Variants in RIMS1 observed in about 807,000 individuals in gnomAD.
RIMS1 encodes regulating synaptic membrane exocytosis protein 1.
RIMS1 carries 83 observed loss-of-function variants against 214.1 expected under a neutral mutation model. The ratio of observed to expected loss-of-function variants is 0.39; its 90% CI spans 0.32 to 0.47. RIMS1 has a LOEUF of 0.47. Among genes scored for constraint, RIMS1 ranks in the 20% least tolerant of loss-of-function variants. RIMS1 has a pLI of 0.99. For synonymous variants in RIMS1, 793 were observed against 786.8 expected (o/e 1.01, Z -0.13); for missense variants, 2,050 against 2,161.8 (o/e 0.95, Z 1.03).
At chr6:72,264,855 A>G (rs2079696295) in intron 19 of RIMS1, 120 bp from the exon 20 acceptor site, 3 of 588,070 alleles carry the variant, frequency 5.1e-6, no homozygotes, top group Non-Finnish European at 8.7e-6. Flanking sequence ...CTTTTGAGAA[A>G]AAAATGACCA....
chr6:72,152,245 T>C (rs2043711937), intron 4 of RIMS1, among the ~76,000 whole-genome samples: 1 of 152,256 alleles, frequency 6.6e-6, no homozygotes, highest in African/African-American at 2.4e-5. Flanking sequence ...GCACTTACTA[T>C]GTGCTAGGCA....
chr6:72,325,751 C>T (rs1467222555), intron 28 of RIMS1, among the ~76,000 whole-genome samples: 1 of 151,840 alleles, frequency 6.6e-6, no homozygotes, highest in African/African-American at 2.4e-5. Flanking sequence ...ATAAAAATTA[C>T]AGAGATCATT....
chr6:72,264,276 G>A (rs1026186278), intron 19 of RIMS1, among the ~76,000 whole-genome samples: 1 of 152,144 alleles, frequency 6.6e-6, no homozygotes, highest in Admixed American at 6.6e-5. Context: ...GGCATAGACA[G>A]TCCAGAAACC....
intron 2 of RIMS1, among the ~76,000 whole-genome samples, chr6:71,993,808 G>A (rs1467029746): frequency 6.6e-6 from 1 of 152,026 alleles, no homozygotes; most frequent in East Asian, 1.9e-4. Flanking sequence ...AGTGGTAGGG[G>A]GCTATTTCCT....
At chr6:72,344,652 C>T (rs146451510) in intron 29 of RIMS1, among the ~76,000 whole-genome samples, 11 of 151,758 alleles carry the variant, frequency 7.2e-5, no homozygotes, top group Admixed American at 6.6e-4. Context: ...CTCAAGTTGG[C>T]GAAACCATCA....
intron 22 of RIMS1, among the ~76,000 whole-genome samples, chr6:72,271,280 AAAAAAAATATATATATATAT>A (rs1320236778): frequency 3.3e-5 from 2 of 60,418 alleles, no homozygotes; most frequent in African/African-American, 5.9e-5. Context: ...AAAAAAAAAA[AAAAAAAATATATATATATAT>A]ATATATATAT....
At chr6:72,013,144 T>C (rs549243101) in intron 2 of RIMS1, among the ~76,000 whole-genome samples, 2 of 152,300 alleles carry the variant, frequency 1.3e-5, no homozygotes, top group Non-Finnish European at 2.9e-5. Flanking sequence ...CATATTTGTG[T>C]GCCAATCACA....
intron 29 of RIMS1, among the ~76,000 whole-genome samples, chr6:72,374,537 A>G (rs1448455658): frequency 6.6e-6 from 1 of 152,162 alleles, no homozygotes; most frequent in East Asian, 1.9e-4. Context: ...AATTTACATT[A>G]TTTGCCTATT....
At chr6:72,277,581 CA>C (rs34868285) in intron 23 of RIMS1, among the ~76,000 whole-genome samples, 146 of 138,056 alleles carry the variant, frequency 1.1e-3, no homozygotes, top group Non-Finnish European at 7.1e-4. Flanking sequence ...GACTCTGTCT[CA>C]AAAAAAAAAA....
Position 72,182,908 on chromosome 6 carries a change from C to A in RIMS1, c.1437C>A (p.Ser479Arg). ...GGAAGCAGAGCCGCCTGGACCCCAG[C>A]TCGGCGGTCCTCATGCGGAAGGCCA... is the stretch of plus-strand genomic sequence containing the variant. Reference protein sequence around the residue: ...PLRKQSRLDPSSAVLMRKAKR... With the variant: ...PLRKQSRLDPRSAVLMRKAKR... The change falls in exon 6 of 34, where the codon AGC becomes AGA. Residue 479 changes from serine (S) to arginine (R), a missense_variant. Ser to Arg is a moderately radical substitution (Grantham distance 110, BLOSUM62 -1). Transcript: ENST00000521978. The A allele has an allele frequency of 6.3e-7, 1 of 1,576,292 alleles. No homozygotes were observed. The highest frequency in any genetic ancestry group is 8.6e-7 in the Non-Finnish European group (1 of 1,162,564).
chr6:72,400,580 T>A lies in RIMS1; in HGVS notation c.4945T>A (p.Ser1649Thr), dbSNP rs201355053. 1.6e-4 allele frequency: 251 copies of A among 1,613,834 alleles called. No homozygotes were observed. Among genetic ancestry groups the A allele is most frequent in the Non-Finnish European group, 2.0e-4 (236 of 1,179,894 alleles). The change falls in exon 34 of 34, where the codon TCC becomes ACC. Residue 1649 changes from serine (S) to threonine (T), a missense_variant. By Grantham distance (58) the Ser-to-Thr change is moderately conservative. This residue lies in a region of RIMS1 where 14 missense variants were observed against 52.9 expected (regional missense o/e 0.26). Transcript: ENST00000521978. ...GATCTTGTTGGAAGAACTCGACCTGTCCAGCATGGTGATCGGATGGTACAA... is the reference window on the plus strand; with the variant it reads ...GATCTTGTTGGAAGAACTCGACCTGACCAGCATGGTGATCGGATGGTACAA... The part of the protein sequence containing the change: ...AQILLEELDL[S>T]SMVIGWYKLF...
intron 1 of RIMS1, among the ~76,000 whole-genome samples, chr6:71,931,321 G>A (rs1222982647): frequency 3.3e-5 from 5 of 151,966 alleles, no homozygotes; most frequent in African/African-American, 4.8e-5. Flanking sequence ...TATAAGATTT[G>A]ACCCGAAGAA....
At chr6:72,085,541 T>A (rs1230978531) in intron 2 of RIMS1, among the ~76,000 whole-genome samples, 1 of 152,142 alleles carries the variant, frequency 6.6e-6, no homozygotes, top group African/African-American at 2.4e-5. Context: ...TAAAGTTTCA[T>A]TGGGATGATT....
At chr6:72,395,042 A>G (rs1021137268) in intron 31 of RIMS1, among the ~76,000 whole-genome samples, 9 of 152,092 alleles carry the variant, frequency 5.9e-5, no homozygotes, top group South Asian at 2.1e-4. Flanking sequence ...TGAGCTAAAT[A>G]GTATACTGAA....
intron 1 of RIMS1, among the ~76,000 whole-genome samples, chr6:71,933,530 T>C (rs1032902280): frequency 6.6e-6 from 1 of 152,164 alleles, no homozygotes; most frequent in African/African-American, 2.4e-5. Flanking sequence ...TGCATTACAC[T>C]GGAAACGGAA....
chr6:72,130,693 A>C (rs1043930101), intron 4 of RIMS1, among the ~76,000 whole-genome samples: 2 of 152,168 alleles, frequency 1.3e-5, no homozygotes, highest in African/African-American at 2.4e-5. Flanking sequence ...TTTGGAATAC[A>C]TATATGATAG....
At chr6:72,266,512 T>A (rs1197656096) in intron 22 of RIMS1, among the ~76,000 whole-genome samples, 1 of 152,142 alleles carries the variant, frequency 6.6e-6, no homozygotes, top group African/African-American at 2.4e-5. Context: ...AATACTTCCT[T>A]TGTATATCTA....
chr6:72,375,895 A>G (rs1208521095), intron 29 of RIMS1, among the ~76,000 whole-genome samples: 1 of 152,204 alleles, frequency 6.6e-6, no homozygotes, highest in Non-Finnish European at 1.5e-5. Flanking sequence ...TTCCCTTTTA[A>G]TAAAATGGAA....
chr6:72,203,151 C>A (rs1287885274), intron 6 of RIMS1, among the ~76,000 whole-genome samples: 1 of 151,988 alleles, frequency 6.6e-6, no homozygotes, highest in Admixed American at 6.6e-5. Context: ...CCACATTTGG[C>A]TAATTTTTTG....
Sources: allele counts gnomAD v4.1 joint callset (sites outside exome capture counted in the v4.1 genomes callset), GRCh38; gene constraint gnomAD v4.1.1; regional missense constraint gnomAD v4.1.1; transcripts MANE v1.5; gene names NCBI Gene and HGNC (gene_info 2026-07-23, HGNC 2026-07-21).